EP300: variants seen among roughly 807,000 people sequenced by gnomAD.
EP300 encodes histone acetyltransferase p300.
Under a neutral mutation model 264.0 loss-of-function variants are expected in EP300, and 31 were observed. The ratio of observed to expected loss-of-function variants is 0.12; its 90% confidence interval spans 0.09 to 0.16. The LOEUF is 0.16. Ranked by LOEUF, EP300 falls within the 10% of genes least tolerant of loss-of-function variation. EP300 has a pLI of 1.00. For synonymous variants in EP300, 1,340 were observed against 1,045.4 expected (o/e 1.28, Z -5.44); for missense variants, 2,766 against 3,052.9 (o/e 0.91, Z 2.21).
chr22:41,128,880 C>G (rs1316588832), intron 4 of EP300, among the ~76,000 whole-genome samples: 3 of 152,146 alleles, frequency 2.0e-5, no homozygotes, highest in African/African-American at 7.2e-5. Context: ...AATGCATCAT[C>G]ACAGTTAACT....
intron 5 of EP300, among the ~76,000 whole-genome samples, chr22:41,130,328 G>A (rs1278978582): frequency 6.6e-6 from 1 of 151,540 alleles, no homozygotes; most frequent in East Asian, 1.9e-4. Flanking sequence ...TGGAAGCCAA[G>A]GCAAGAGGAT....
chr22:41,134,723 G>A lies in EP300; in HGVS notation c.1529-1090G>A, dbSNP rs559984985. On this transcript the variant is annotated intron_variant, in intron 6 of 30. Coordinates refer to ENST00000263253, the MANE Select transcript of EP300 (RefSeq NM_001429.4). ...ACTAGTTAAATAATTATTGAGTGAC[G>A]AGTTTTTAAGCAGGACTAGGAAAAG... Among the ~76,000 whole-genome samples the A allele has an allele frequency of 6.1e-4, 93 of 152,152 alleles. 1 individual carries two copies. Among genetic ancestry groups the A allele is most frequent in the Non-Finnish European group, 9.4e-4 (64 of 68,028 alleles).
intron 2 of EP300, among the ~76,000 whole-genome samples, chr22:41,125,483 G>A (rs1272966779): frequency 6.6e-6 from 1 of 151,444 alleles, no homozygotes; most frequent in Non-Finnish European, 1.5e-5. Context: ...CCAGGCTGTT[G>A]TCAAACTCCT....
rs2145685790 is a variant in EP300, at chr22:41,108,970, T to G, written c.95-8217T>G. Reference sequence around the variant, plus strand: ...AATATCTTAAGAGCTCACCTTACTGTCTAGAAAAAATACTTGCTGGCCCAG... The same window carrying G: ...AATATCTTAAGAGCTCACCTTACTGGCTAGAAAAAATACTTGCTGGCCCAG... On this transcript the variant is annotated intron_variant, in intron 1 of 30. Transcript: ENST00000263253. Among the ~76,000 whole-genome samples, 2 of 152,116 alleles carry G rather than the reference T, an allele frequency of 1.3e-5. 1 individual carries two copies. The highest frequency in any genetic ancestry group is 4.2e-4 in the South Asian group (2 of 4,816).
intron 10 of EP300, among the ~76,000 whole-genome samples, chr22:41,145,007 T>C (rs559697402): frequency 9.8e-5 from 15 of 152,350 alleles, no homozygotes; most frequent in South Asian, 6.2e-4. Context: ...TTCTCTCCAC[T>C]TCAGTCCTCA....
intron 2 of EP300, among the ~76,000 whole-genome samples, chr22:41,118,591 G>A (rs545976874): frequency 2.6e-5 from 4 of 152,204 alleles, no homozygotes; most frequent in East Asian, 1.9e-4. Flanking sequence ...AGATAGGTAC[G>A]ATTTTCACAA....
chr22:41,109,918 A>G (rs919440039), intron 1 of EP300, among the ~76,000 whole-genome samples: 11 of 149,612 alleles, frequency 7.4e-5, no homozygotes, highest in African/African-American at 2.2e-4. Flanking sequence ...GGCTCAAGCA[A>G]TTCTCCTGCC....
intron 1 of EP300, among the ~76,000 whole-genome samples, chr22:41,113,807 A>C (rs1337506850): frequency 6.6e-6 from 1 of 152,136 alleles, no homozygotes. Flanking sequence ...CGGCCTCCCA[A>C]AGTGCTGGGA....
At chr22:41,118,632 G>A (rs927697891) in intron 2 of EP300, among the ~76,000 whole-genome samples, 2 of 152,198 alleles carry the variant, frequency 1.3e-5, no homozygotes, top group African/African-American at 4.8e-5. Flanking sequence ...TCTGTAACAG[G>A]AATAATTTGA....
At chr22:41,148,594 A>G (rs1156257713) in intron 12 of EP300, among the ~76,000 whole-genome samples, 2 of 152,204 alleles carry the variant, frequency 1.3e-5, no homozygotes, top group Admixed American at 6.5e-5. Flanking sequence ...TTTGTGGACC[A>G]TGAATGCTAC....
chr22:41,132,510 A>C (rs1383137771), intron 6 of EP300, among the ~76,000 whole-genome samples: 1 of 151,800 alleles, frequency 6.6e-6, no homozygotes, highest in Non-Finnish European at 1.5e-5. Flanking sequence ...GATGATCTCA[A>C]TCTCTTGACC....
chr22:41,162,972 A>G (rs543777742), intron 21 of EP300, among the ~76,000 whole-genome samples, 193 bp downstream of exon 21: 1 of 152,354 alleles, frequency 6.6e-6, no homozygotes, highest in South Asian at 2.1e-4. Flanking sequence ...GTTAATTTTA[A>G]TGTTCTTAAT....
rs1288785510 is a variant in EP300, at chr22:41,162,650, C to G, written c.3672-73C>G. 21 of 1,217,754 alleles carry G rather than the reference C, an allele frequency of 1.7e-5. No individual in the cohort carries two copies. In the South Asian group the frequency reaches 1.9e-4, roughly 11 times the overall value. The allele number at this position is 1,217,754 out of a possible 1,614,324, so 75.4% of individuals were successfully genotyped here. ...ATCTCTATATAGGGTGAAGTTTGTTCCTTTGGTTAGAACAGCAGTCAGATT... is the reference window on the plus strand; with the variant it reads ...ATCTCTATATAGGGTGAAGTTTGTTGCTTTGGTTAGAACAGCAGTCAGATT... On this transcript the variant is annotated intron_variant, in intron 20 of 30. Coordinates refer to ENST00000263253, the MANE Select transcript of EP300 (RefSeq NM_001429.4).
At chr22:41,100,536 A>G (rs1454655032) in intron 1 of EP300, among the ~76,000 whole-genome samples, 3 of 152,236 alleles carry the variant, frequency 2.0e-5, no homozygotes, top group African/African-American at 7.2e-5. Flanking sequence ...AGTCAGCCAC[A>G]GATTGAAAAT....
Position 41,125,958 on chromosome 22 carries a change from A to G in EP300, c.824A>G (p.Gln275Arg), listed in dbSNP as rs2145707791. Residue 275 changes from glutamine to arginine, a missense_variant, in exon 3 of 31, where the codon CAG becomes CGG. Transcript: ENST00000263253. Reference sequence around the variant, plus strand: ...GCCAGTGGCCTTGGTCTCCAGATTCAGACAAAAACTGTACTATCAAATAAC... The same window carrying G: ...GCCAGTGGCCTTGGTCTCCAGATTCGGACAAAAACTGTACTATCAAATAAC... ...IGASGLGLQI[Q>R]TKTVLSNNLS... 6.2e-7 allele frequency: 1 copy of G among 1,614,224 alleles called. No individual in the cohort carries two copies. The highest frequency in any genetic ancestry group is 8.5e-7 in the Non-Finnish European group (1 of 1,180,042).
Position 41,092,981 on chromosome 22 carries a change from C to G in EP300, c.-24C>G. On this transcript the variant is annotated 5_prime_UTR_variant, in exon 1 of 31. Coordinates refer to ENST00000263253, the MANE Select transcript of EP300 (RefSeq NM_001429.4). ...TTCCTGAGGATTCTGGTTTTCCTCGCTTGTATCTCCGAAAGAATTAAAAAT... is the reference window on the plus strand; with the variant it reads ...TTCCTGAGGATTCTGGTTTTCCTCGGTTGTATCTCCGAAAGAATTAAAAAT... 6.2e-7 allele frequency: 1 copy of G among 1,613,512 alleles called. No individual in the cohort carries two copies. The highest frequency in any genetic ancestry group is 8.5e-7 in the Non-Finnish European group (1 of 1,179,470).
At chr22:41,134,648 C>T (rs1472461169) in intron 6 of EP300, among the ~76,000 whole-genome samples, 3 of 152,132 alleles carry the variant, frequency 2.0e-5, no homozygotes, top group African/African-American at 7.2e-5. Context: ...CCTGCCTCGA[C>T]CTCCCAAAGC....
chr22:41,128,142 G>T (rs905065997), intron 4 of EP300, among the ~76,000 whole-genome samples: 1 of 152,134 alleles, frequency 6.6e-6, no homozygotes, highest in Non-Finnish European at 1.5e-5. Context: ...CTCCAGCCTG[G>T]GTGACAATGT....
chr22:41,179,880 TCACACACACACA>T lies in EP300; in HGVS notation c.*956_*967del, dbSNP rs59721178. On this transcript the variant is annotated 3_prime_UTR_variant, in exon 31 of 31. Transcript: ENST00000263253. ...TCTTCCTCCTTACCCTACCCCCCAC[TCACACACACACA>T]CACACACACACACACACACACACAC... 0.11 allele frequency: 18,526 copies of T among 166,704 alleles called. 1,454 individuals are homozygous for T. The highest frequency in any genetic ancestry group is 0.24 in the East Asian group (2,071 of 8,598). 10.3% of individuals were successfully genotyped at this position (166,704 alleles called of 1,614,324 possible).
Sources: gnomAD v4.1 joint callset for allele counts (sites outside exome capture counted in the v4.1 genomes callset) on GRCh38, gnomAD v4.1.1 for gene constraint, MANE v1.5 for transcripts, NCBI Gene and HGNC (gene_info 2026-07-23, HGNC 2026-07-21) for gene names.